PEX10: variants seen among roughly 807,000 people sequenced by gnomAD.
The protein encoded by PEX10 is peroxisomal biogenesis factor 10, also known as peroxisome biogenesis factor 10.
In PEX10, 32 loss-of-function variants were observed where a neutral mutation model predicts 38.0. The ratio of observed to expected loss-of-function variants is 0.84; its 90% CI spans 0.63 to 1.13. The LOEUF (loss-of-function observed/expected upper bound fraction) is 1.13. Among genes scored for constraint, PEX10 ranks in the 50% most tolerant of loss-of-function variants. The pLI is 0.00. For synonymous variants in PEX10, 206 were observed against 207.3 expected, an observed-to-expected ratio of 0.99 and a Z score of 0.05; for missense variants, 483 against 457.7, an observed-to-expected ratio of 1.06 and a Z score of -0.51.
chr1:2,409,125 G>C lies in PEX10; in HGVS notation c.194-267C>G, dbSNP rs919464711. ...CTGGCCAGTGTCCCTCCCTCTCTTG[G>C]CTTCTCCCCAAGAGTCTCTGCTCTT... On this transcript the variant is annotated intron_variant, in intron 2 of 5. Transcript: ENST00000447513. The surrounding 1 kb of genome is among the most constrained non-coding windows in gnomAD (Gnocchi z 6.2). 1.3e-5 allele frequency among the ~76,000 whole-genome samples: 2 copies of C among 152,000 alleles called. No homozygotes were observed. Among genetic ancestry groups the C allele is most frequent in the Admixed American group, 1.3e-4 (2 of 15,278 alleles).
chr1:2,407,005 T>C (rs1372136647), intron 3 of PEX10, 110 bp from the exon 4 acceptor site: 1 of 1,449,040 alleles, frequency 6.9e-7, no homozygotes, highest in Non-Finnish European at 9.5e-7. Flanking sequence ...GAACCAGGCC[T>C]CTCACTGGCA....
chr1:2,412,556 A>G lies in PEX10; in HGVS notation c.-54T>C. 8.2e-7 allele frequency: 1 copy of G among 1,220,344 alleles called. No individual in the cohort carries two copies. The highest frequency in any genetic ancestry group is 1.0e-6 in the Non-Finnish European group (1 of 957,214). 75.6% of individuals were successfully genotyped at this position (1,220,344 alleles called of 1,614,324 possible). A position where few individuals can be genotyped will look rare whatever the true frequency, so the allele number is the denominator to read the frequency against. ...CCACGCCGGCCACGCCCACGCCCAG[A>G]CGGGCGAGAACTGATGACGGCACGA... On this transcript the variant is annotated 5_prime_UTR_variant, in exon 1 of 6. Coordinates refer to ENST00000447513, the MANE Select transcript of PEX10 (RefSeq NM_002617.4).
At chr1:2,411,121 G>C (rs1056577963) in intron 1 of PEX10, among the ~76,000 whole-genome samples, 8 of 151,706 alleles carry the variant, frequency 5.3e-5, no homozygotes, top group African/African-American at 1.9e-4. Flanking sequence ...CTTTGGCCAC[G>C]ACACCCCCAC....
Position 2,410,192 on chromosome 1 carries a change from C to T in PEX10, c.193+179G>A. ...CACACAAAGGCTGGAAAAGTCGGCT[C>T]CCTGCTGGGAGCAGATGCCTCGCCT... On this transcript the variant is annotated intron_variant, in intron 2 of 5. Transcript: ENST00000447513. This position sits in a 1 kb window ranked among gnomAD's most constrained non-coding sequence, Gnocchi z 5.1. 1.5e-6 allele frequency: 1 copy of T among 646,758 alleles called. No homozygotes were observed. The highest frequency in any genetic ancestry group is 2.8e-6 in the Non-Finnish European group (1 of 354,392). 40.1% of individuals were successfully genotyped at this position (646,758 alleles called of 1,614,324 possible).
chr1:2,406,981 C>T, intron 3 of PEX10, 86 bp from the exon 4 acceptor site: 1 of 1,535,740 alleles, frequency 6.5e-7, no homozygotes. Context: ...GTTCAGTTGG[C>T]ACAGAGCACG....
rs1642969094 is a variant in PEX10 at position 2,405,500 on chromosome 1, A to G, written c.*266T>C. ...GAGGGAAACCTAAAATCCCGTCCAAATAAGTGAAATTCCTGAAGAAGTGGC... is the reference window on the plus strand; with the variant it reads ...GAGGGAAACCTAAAATCCCGTCCAAGTAAGTGAAATTCCTGAAGAAGTGGC... On this transcript the variant is annotated 3_prime_UTR_variant, in exon 6 of 6. Coordinates refer to ENST00000447513, the MANE Select transcript of PEX10 (RefSeq NM_002617.4). 3.4e-6 allele frequency: 2 copies of G among 590,586 alleles called. No homozygotes were observed. Among genetic ancestry groups the G allele is most frequent in the East Asian group, 5.8e-5 (2 of 34,440 alleles). 36.6% of individuals were successfully genotyped at this position (590,586 alleles called of 1,614,324 possible). A position where few individuals can be genotyped will look rare whatever the true frequency, so the allele number is the denominator to read the frequency against.
At chr1:2,407,381 C>T (rs1389629914) in intron 3 of PEX10, among the ~76,000 whole-genome samples, 1 of 152,214 alleles carries the variant, frequency 6.6e-6, no homozygotes, top group Non-Finnish European at 1.5e-5. Context: ...CAGCTGGCTG[C>T]CCTCGGCTTC....
In PEX10 at chr1:2,408,603, G is replaced by A. The variant is rs776218721; in HGVS notation, c.449C>T (p.Ala150Val). 63 of 1,611,290 alleles carry A rather than the reference G, an allele frequency of 3.9e-5. No homozygotes were observed. Among genetic ancestry groups the A allele is most frequent in the Non-Finnish European group, 5.0e-5 (59 of 1,179,896 alleles). ...GARRWMRHHT[A>V]TLTEQQRRAL... ...CCTCCTCTGCTGCTCAGTCAGGGTG[G>A]CCGTGTGGTGACGCATCCAGCGCCG... Residue 150 changes from alanine to valine, a missense_variant, in exon 3 of 6, where the codon GCC becomes GTC. Ala to Val is a moderately conservative substitution (Grantham distance 64). Coordinates refer to ENST00000447513, the MANE Select transcript of PEX10 (RefSeq NM_002617.4).
Position 2,405,605 on chromosome 1 carries a change from C to T in PEX10, c.*161G>A. The T allele has an allele frequency of 1.3e-6, 1 of 749,414 alleles. No homozygotes were observed. The highest frequency in any genetic ancestry group is 2.3e-6 in the Non-Finnish European group (1 of 428,688). The allele number at this position is 749,414 out of a possible 1,614,324, so 46.4% of individuals were successfully genotyped here. A position where few individuals can be genotyped will look rare whatever the true frequency, so the allele number is the denominator to read the frequency against. On this transcript the variant is annotated 3_prime_UTR_variant, in exon 6 of 6. Transcript: ENST00000447513. ...AGGGCTGAGAAAGCGCAGCCAGGGA[C>T]AGCTTTCTGTTCTCTCCCAGGGTGG...
At chr1:2,408,397 A>G in intron 3 of PEX10, 55 bp downstream of exon 3, 1 of 1,590,912 alleles carries the variant, frequency 6.3e-7, no homozygotes, top group Non-Finnish European at 8.6e-7. Context: ...ACCCAAGTCC[A>G]GTGGGGGTGA....
chr1:2,407,502 G>T (rs1368251806), intron 3 of PEX10, among the ~76,000 whole-genome samples: 8 of 152,222 alleles, frequency 5.3e-5, no homozygotes, highest in Non-Finnish European at 5.9e-5. Flanking sequence ...GGCCCTGGGT[G>T]TCCAGCCACT....
At chr1:2,406,044 G>A (rs1369409264) in intron 5 of PEX10, among the ~76,000 whole-genome samples, 1 of 152,208 alleles carries the variant, frequency 6.6e-6, no homozygotes, top group African/African-American at 2.4e-5. Context: ...TAGGGCTCAG[G>A]GTGTGGGGCT....
At chr1:2,412,747 A>AGCGGG (rs1458743291), upstream of PEX10, among the ~76,000 whole-genome samples, 29 of 149,374 alleles carry the variant, frequency 1.9e-4, no homozygotes, top group Admixed American at 5.3e-4. Context: ...GGCGGAGCGG[A>AGCGGG]GCGGGGCGGG....
chr1:2,413,301 C>T (rs1156773902), upstream of PEX10, among the ~76,000 whole-genome samples: 1 of 152,256 alleles, frequency 6.6e-6, no homozygotes, highest in African/African-American at 2.4e-5. Flanking sequence ...CCACCCTCCA[C>T]CCTCCACCCT....
chr1:2,406,887 G>A lies in PEX10; in HGVS notation c.609C>T (p.Val203=). The change falls in exon 4 of 6, where the codon GTC becomes GTT. Residue 203 remains valine (V), a synonymous_variant. Coordinates refer to ENST00000447513, the MANE Select transcript of PEX10 (RefSeq NM_002617.4). ...TCAGGTCCTCTCCGGGCAGGCTGCG[G>A]ACACGGAGCTGTAAGGCAGATGGCG... ...KRLTGITYLR[V]RSLPGEDLRA... 1 of 1,608,948 alleles carries A rather than the reference G, an allele frequency of 6.2e-7. No individual in the cohort carries two copies. Among genetic ancestry groups the A allele is most frequent in the Non-Finnish European group, 8.5e-7 (1 of 1,178,086 alleles).
In PEX10 at chr1:2,411,964, G is replaced by C. The variant is rs920022842; in HGVS notation, c.112+427C>G. On this transcript the variant is annotated intron_variant, in intron 1 of 5. Transcript: ENST00000447513. Reference sequence around the variant, plus strand: ...GGAAAGGCCGGGGTCAGTGTGAACCGGACCGAGGTATGAGGCGTTCGCGCC... The same window carrying C: ...GGAAAGGCCGGGGTCAGTGTGAACCCGACCGAGGTATGAGGCGTTCGCGCC... Among the ~76,000 whole-genome samples, 4 of 152,254 alleles carry C rather than the reference G, an allele frequency of 2.6e-5. No individual in the cohort carries two copies. In the South Asian group the frequency reaches 8.3e-4, roughly 31 times the overall value.
chr1:2,413,693 G>A (rs553956330), upstream of PEX10: 1 of 152,460 alleles, frequency 6.6e-6, no homozygotes, highest in African/African-American at 2.4e-5. Flanking sequence ...GCAGGAGGAA[G>A]GCAGGGCACG....
chr1:2,408,430 G>A (rs1157544714), intron 3 of PEX10, 22 bp downstream of exon 3: 4 of 1,612,166 alleles, frequency 2.5e-6, no homozygotes, highest in Non-Finnish European at 3.4e-6. Flanking sequence ...AAGCAGCTGT[G>A]CCCTCAGCGC....
rs763465246 is a variant in PEX10 at position 2,408,438 on chromosome 1, C to A, written c.600+14G>T. ...ACGGCCTAAGCAGCTGTGCCCTCAG[C>A]GCCTGCTACTTACGTACGTGATCCC... On this transcript the variant is annotated intron_variant, in intron 3 of 5. Coordinates refer to ENST00000447513, the MANE Select transcript of PEX10 (RefSeq NM_002617.4). 1 of 1,612,558 alleles carries A rather than the reference C, an allele frequency of 6.2e-7. No homozygotes were observed. The highest frequency in any genetic ancestry group is 1.7e-5 in the Admixed American group (1 of 60,020).
Sources: allele counts gnomAD v4.1 joint callset (sites outside exome capture counted in the v4.1 genomes callset), GRCh38; gene constraint gnomAD v4.1.1; non-coding constraint Gnocchi (gnomAD v3.1); transcripts MANE v1.5; gene names NCBI Gene and HGNC (gene_info 2026-07-23, HGNC 2026-07-21).